The following ATP7A variants were observed in gnomAD, a reference collection of about 807,000 sequenced individuals.
The protein encoded by ATP7A is copper-transporting ATPase 1.
A neutral mutation model predicts 83.5 loss-of-function variants in ATP7A; 7 were observed. The ratio of observed to expected loss-of-function variants is 0.08; its 90% CI spans 0.05 to 0.16. The LOEUF (loss-of-function observed/expected upper bound fraction) is 0.16. ATP7A is among the 10% of genes least tolerant of loss of function. The pLI is 1.00. For synonymous variants in ATP7A, 354 were observed against 395.2 expected (o/e 0.90, Z 1.24); for missense variants, 940 against 1,120.8 (o/e 0.84, Z 2.30).
chrX:77,977,413 T>G (rs2077582278), intron 2 of ATP7A, among the ~76,000 whole-genome samples: 1 of 112,278 alleles, frequency 8.9e-6, no homozygotes, highest in African/African-American at 3.2e-5. Context: ...GCCAAATGAC[T>G]TAGGTACTTA....
chrX:77,948,045 A>G (rs1378978351), intron 1 of ATP7A, among the ~76,000 whole-genome samples: 24 of 102,838 alleles, frequency 2.3e-4, no homozygotes, highest in African/African-American at 7.5e-4. Context: ...TGGCCATTTT[A>G]CCACAATTTA....
intron 7 of ATP7A, 115 bp downstream of exon 7, chrX:78,009,378 C>A: frequency 1.2e-6 from 1 of 831,539 alleles, no homozygotes; most frequent in South Asian, 2.1e-5. Context: ...CTCCTTTGAA[C>A]ACTTCAAACA....
At chrX:77,957,654 C>T (rs782249981) in intron 1 of ATP7A, among the ~76,000 whole-genome samples, 3 of 110,070 alleles carry the variant, frequency 2.7e-5, no homozygotes, top group Non-Finnish European at 3.8e-5. Flanking sequence ...TCTCATTTGT[C>T]TACTTTTGCT....
rs1455226340 is a variant in ATP7A, at chrX:78,033,589, T to C, written c.3295-16T>C. Reference sequence around the variant, plus strand: ...ATCAGAACAGTAGAGGAAATCCTTTTGTTTCTGTTTGTTAGGAGCTGGACA... The same window carrying C: ...ATCAGAACAGTAGAGGAAATCCTTTCGTTTCTGTTTGTTAGGAGCTGGACA... On this transcript the variant is annotated splice_polypyrimidine_tract_variant and intron_variant, in intron 16 of 22. Coordinates refer to ENST00000341514, the MANE Select transcript of ATP7A (RefSeq NM_000052.7). The C allele has an allele frequency of 1.6e-5, 19 of 1,202,449 alleles. No homozygotes were observed. The highest frequency in any genetic ancestry group is 2.0e-5 in the Non-Finnish European group (18 of 886,978).
Position 77,988,364 on chromosome X carries a change from C to G in ATP7A, c.243C>G (p.Leu81=). 1 of 1,211,025 alleles carries G rather than the reference C, an allele frequency of 8.3e-7. No homozygotes were observed. The change falls in exon 3 of 23, where the codon CTC becomes CTG. Residue 81 remains leucine (L), a synonymous_variant. Transcript: ENST00000341514. The stretch of plus-strand genomic sequence containing the variant: ...CTGTTATCCATAATCCTGACCCTCT[C>G]CCTGTTTTAACTGACACCTTGTTTC... ...FDAVIHNPDP[L]PVLTDTLFLT...
intron 1 of ATP7A, among the ~76,000 whole-genome samples, chrX:77,941,078 A>G (rs1557225592): frequency 1.8e-5 from 2 of 111,730 alleles, no homozygotes. Context: ...AAATTGATAC[A>G]GTTTTTCTGG....
At chrX:77,937,699 A>G (rs2077327516) in intron 1 of ATP7A, among the ~76,000 whole-genome samples, 1 of 112,021 alleles carries the variant, frequency 8.9e-6, no homozygotes. Context: ...AAGGCTATGT[A>G]TCATTTCATT....
chrX:77,921,567 G>A (rs189497955), intron 1 of ATP7A, among the ~76,000 whole-genome samples: 1 of 111,924 alleles, frequency 8.9e-6, no homozygotes, highest in African/African-American at 3.2e-5. Flanking sequence ...GATAGTAATT[G>A]TATCTATCCC....
At chrX:78,022,678 C>T (rs1472573644) in intron 14 of ATP7A, among the ~76,000 whole-genome samples, 4 of 109,834 alleles carry the variant, frequency 3.6e-5, no homozygotes, top group Admixed American at 9.7e-5. Flanking sequence ...TCACCATGCC[C>T]GGCTAATTTT....
rs1416490531 is a variant in ATP7A at position 78,047,889 on chromosome X, A to G, written c.*1319A>G. 4 of 111,847 alleles carry G rather than the reference A, an allele frequency of 3.6e-5. No homozygotes were observed. Among genetic ancestry groups the G allele is most frequent in the African/African-American group, 1.3e-4 (4 of 30,858 alleles). The allele number at this position is 111,847 out of a possible 1,213,427, so 9.2% of individuals were successfully genotyped here. A position where few individuals can be genotyped will look rare whatever the true frequency, so the allele number is the denominator to read the frequency against. Reference sequence around the variant, plus strand: ...CCCAGCCTAAATTTGTATTTTTTGAATTGAGTATAATCACTTTGCTAGTAT... The same window carrying G: ...CCCAGCCTAAATTTGTATTTTTTGAGTTGAGTATAATCACTTTGCTAGTAT... On this transcript the variant is annotated 3_prime_UTR_variant, in exon 23 of 23. Transcript: ENST00000341514.
intron 1 of ATP7A, among the ~76,000 whole-genome samples, chrX:77,917,329 C>T (rs1475699432): frequency 9.0e-6 from 1 of 111,509 alleles, no homozygotes; most frequent in Non-Finnish European, 1.9e-5. Context: ...CCTTTGGATA[C>T]ACTGTTCTGG....
In ATP7A at chrX:77,963,649, G is replaced by C. The variant is rs782359401; in HGVS notation, c.-21-7972G>C. The stretch of plus-strand genomic sequence containing the variant: ...GAGTCTCATTCTGTCTCCCAGGCTG[G>C]AGTGCAGTGGTGCGATCTTGGCTCA... On this transcript the variant is annotated intron_variant, in intron 1 of 22. Coordinates refer to ENST00000341514, the MANE Select transcript of ATP7A (RefSeq NM_000052.7). 1.2e-4 allele frequency: 13 copies of C among 111,262 alleles called. 1 individual carries two copies. Among genetic ancestry groups the C allele is most frequent in the Non-Finnish European group, 2.5e-4 (13 of 52,940 alleles). The allele number at this position is 111,262 out of a possible 1,213,427, so 9.2% of individuals were successfully genotyped here.
intron 1 of ATP7A, chrX:77,965,338 C>T (rs1294996430): frequency 5.6e-5 from 17 of 304,233 alleles, no homozygotes; most frequent in African/African-American, 4.7e-4. Context: ...ACAAAATAAC[C>T]TTATTAAAAA....
intron 10 of ATP7A, among the ~76,000 whole-genome samples, chrX:78,013,767 T>C (rs1210665369): frequency 1.3e-4 from 15 of 111,844 alleles, no homozygotes; most frequent in African/African-American, 4.5e-4. Flanking sequence ...GTTTACTGGG[T>C]TAAAGGGCAT....
chrX:78,027,224 G>T (rs782707262), intron 14 of ATP7A, among the ~76,000 whole-genome samples: 3 of 109,492 alleles, frequency 2.7e-5, no homozygotes, highest in Non-Finnish European at 5.7e-5. Context: ...TTCTCCAAAA[G>T]ACTCCCAGAC....
rs184646064 is a variant in ATP7A, at chrX:77,989,359, A to T, written c.737A>T (p.Lys246Ile). Reference sequence around the variant, plus strand: ...GTCAAAAAGCAGCCCAAGTACCTCAAATTGGGAGCTATTGATGTAGAACGT... The same window carrying T: ...GTCAAAAAGCAGCCCAAGTACCTCATATTGGGAGCTATTGATGTAGAACGT... ...AFVKKQPKYL[K>I]LGAIDVERLK... Residue 246 changes from lysine to isoleucine, a missense_variant, in exon 4 of 23, where the codon AAA (lysine) becomes ATA (isoleucine). Lys to Ile is a moderately radical substitution (Grantham distance 102, BLOSUM62 -3). Coordinates refer to ENST00000341514, the MANE Select transcript of ATP7A (RefSeq NM_000052.7). 1 of 1,211,654 alleles carries T rather than the reference A, an allele frequency of 8.3e-7. No homozygotes were observed. Among genetic ancestry groups the T allele is most frequent in the South Asian group, 1.8e-5 (1 of 56,987 alleles).
In ATP7A at chrX:77,932,353, C is replaced by G. The variant is rs1484624570; in HGVS notation, c.-22+21518C>G. ...CTCACTTCCTAGATGGGATGGCGGC[C>G]GGGAAGAGGCGCTCCTCACTTCCTA... On this transcript the variant is annotated intron_variant, in intron 1 of 22. Coordinates refer to ENST00000341514, the MANE Select transcript of ATP7A (RefSeq NM_000052.7). 8.2e-5 allele frequency among the ~76,000 whole-genome samples: 7 copies of G among 85,371 alleles called. No individual in the cohort carries two copies. The East Asian group carries it at 2.0e-3, about 24-fold the overall frequency. 74.1% of individuals were successfully genotyped at this position (85,371 alleles called of 115,157 possible).
At chrX:78,034,482 C>G (rs1048876108) in intron 17 of ATP7A, among the ~76,000 whole-genome samples, 3 of 111,208 alleles carry the variant, frequency 2.7e-5, no homozygotes, top group African/African-American at 9.8e-5. Context: ...AAATGGTAAT[C>G]TAGGTTTGTT....
intron 1 of ATP7A, among the ~76,000 whole-genome samples, chrX:77,913,610 A>G (rs1198934832): frequency 1.8e-5 from 2 of 112,236 alleles, no homozygotes; most frequent in African/African-American, 6.5e-5. Context: ...TGTTTCATTA[A>G]AGTAAAAGGG....
Sources: gnomAD v4.1 joint callset for allele counts (sites outside exome capture counted in the v4.1 genomes callset) on GRCh38, gnomAD v4.1.1 for gene constraint, MANE v1.5 for transcripts, NCBI Gene and HGNC (gene_info 2026-07-23, HGNC 2026-07-21) for gene names.